MICAL3: variants seen among roughly 807,000 people sequenced by gnomAD.
MICAL3 encodes microtubule associated monooxygenase, calponin and LIM domain containing 3.
In MICAL3, 62 loss-of-function variants were observed where a neutral mutation model predicts 207.4. The observed-to-expected ratio is 0.30, with a 90% CI of 0.24 to 0.37. The LOEUF (loss-of-function observed/expected upper bound fraction) is 0.37, where lower values mean the gene tolerates loss of function less well. MICAL3 is among the 10% of genes least tolerant of loss of function. MICAL3 has a pLI of 1.00. For missense variants in MICAL3, 2,368 were observed against 2,635.6 expected (o/e 0.90, Z 2.22); for synonymous variants, 1,077 against 1,069.3 (o/e 1.01, Z -0.14).
intron 27 of MICAL3, among the ~76,000 whole-genome samples, chr22:17,815,877 G>A (rs578075056): frequency 6.6e-6 from 1 of 152,348 alleles, no homozygotes; most frequent in African/African-American, 2.4e-5. Flanking sequence ...CTGGGCTATT[G>A]GACGGCAGGA....
intron 19 of MICAL3, chr22:17,842,612 G>C (rs2895998): frequency 0.12 from 18,951 of 157,588 alleles, 1,749 homozygotes; most frequent in African/African-American, 0.26. Flanking sequence ...CCGCAGCACC[G>C]CTGCTCAGAG....
At chr22:17,820,970 A>C (rs1921563936) in intron 25 of MICAL3, among the ~76,000 whole-genome samples, 1 of 141,328 alleles carries the variant, frequency 7.1e-6, no homozygotes, top group Non-Finnish European at 1.5e-5. Context: ...TAATAAATTT[A>C]TATTTATAAA....
chr22:17,881,127 C>T (rs1929381058), intron 16 of MICAL3: 2 of 1,180,280 alleles, frequency 1.7e-6, no homozygotes, highest in South Asian at 2.6e-5. Flanking sequence ...GGGAAAGTGA[C>T]TTGGTCTCTA....
chr22:17,825,559 G>A (rs1406260105), intron 22 of MICAL3, among the ~76,000 whole-genome samples: 2 of 152,188 alleles, frequency 1.3e-5, no homozygotes, highest in Non-Finnish European at 2.9e-5. Flanking sequence ...CCCTGCGGCT[G>A]TGTGTGCCTG....
At chr22:17,862,754 G>C (rs1926657539) in intron 19 of MICAL3, 1 of 985,376 alleles carries the variant, frequency 1.0e-6, no homozygotes, top group Non-Finnish European at 1.2e-6. Context: ...GGGAGGCAAG[G>C]TGCCCTGATT....
intron 27 of MICAL3, chr22:17,815,643 C>T (rs771483070): frequency 6.6e-6 from 1 of 152,442 alleles, no homozygotes; most frequent in African/African-American, 2.4e-5. Context: ...GGAAGCCTGG[C>T]TCTGTAGAGG....
At chr22:17,803,975 A>T (rs537267126) in intron 29 of MICAL3, 2 of 382,914 alleles carry the variant, frequency 5.2e-6, no homozygotes, top group East Asian at 3.2e-4. Context: ...CGCAAGAAAC[A>T]CAGACACAGC....
chr22:17,980,105 AG>A (rs35209994), intron 1 of MICAL3, among the ~76,000 whole-genome samples: 25,821 of 152,270 alleles, frequency 0.17, 2,567 homozygotes, highest in Middle Eastern at 0.26. Context: ...CTAGGATTAC[AG>A]GGGTGAACCA....
intron 1 of MICAL3, among the ~76,000 whole-genome samples, chr22:17,913,398 C>A (rs1932260586): frequency 6.6e-6 from 1 of 152,152 alleles, no homozygotes; most frequent in Admixed American, 6.5e-5. Flanking sequence ...AAAGCACTAG[C>A]CTGGCCTGCG....
intron 1 of MICAL3, chr22:18,020,168 G>A: frequency 6.5e-6 from 1 of 152,800 alleles, no homozygotes. Flanking sequence ...TGACAGGGCA[G>A]CTTCCCAATG....
intron 1 of MICAL3, among the ~76,000 whole-genome samples, chr22:17,977,028 G>A (rs894716350): frequency 6.6e-6 from 1 of 151,878 alleles, no homozygotes; most frequent in Non-Finnish European, 1.5e-5. Flanking sequence ...GGATGATCTC[G>A]ATCTGACCTT....
At chr22:17,869,053 G>T (rs1927454763) in intron 17 of MICAL3, among the ~76,000 whole-genome samples, 1 of 152,200 alleles carries the variant, frequency 6.6e-6, no homozygotes, top group Non-Finnish European at 1.5e-5. Flanking sequence ...AGACCAGGGG[G>T]TGTGCTCCAG....
intron 1 of MICAL3, chr22:18,019,316 G>C (rs569602488): frequency 6.4e-6 from 1 of 156,638 alleles, no homozygotes; most frequent in South Asian, 2.1e-4. Context: ...AGTGATTACA[G>C]TTATCCATGG....
intron 1 of MICAL3, among the ~76,000 whole-genome samples, chr22:17,940,092 G>C (rs1383877569): frequency 6.6e-6 from 1 of 152,188 alleles, no homozygotes; most frequent in Non-Finnish European, 1.5e-5. Flanking sequence ...CTGAAGTTAA[G>C]GACAAAAGCT....
rs182268031 is a variant in MICAL3, at chr22:17,908,501, G to A, written c.-74-1615C>T. On this transcript the variant is annotated intron_variant, in intron 1 of 31. Coordinates refer to ENST00000441493, the MANE Select transcript of MICAL3 (RefSeq NM_015241.3). ...TTTTTGTATTTTTAGTAGAGACGGGGTTTCATCGTGTTAGCCAGGATGGTC... is the reference window on the plus strand; with the variant it reads ...TTTTTGTATTTTTAGTAGAGACGGGATTTCATCGTGTTAGCCAGGATGGTC... Among the ~76,000 whole-genome samples the A allele has an allele frequency of 4.0e-3, 605 of 152,188 alleles. 3 individuals carry two copies. Among genetic ancestry groups the A allele is most frequent in the Admixed American group, 5.9e-3 (90 of 15,288 alleles).
intron 12 of MICAL3, among the ~76,000 whole-genome samples, chr22:17,889,600 G>A (rs1384949075): frequency 1.3e-5 from 2 of 152,196 alleles, no homozygotes; most frequent in African/African-American, 4.8e-5. Context: ...GGTGAGGCAG[G>A]AGAATTGCTT....
chr22:17,829,370 T>C (rs1922549679), intron 21 of MICAL3, among the ~76,000 whole-genome samples: 1 of 152,138 alleles, frequency 6.6e-6, no homozygotes, highest in Non-Finnish European at 1.5e-5. Context: ...GGTTTCTCCA[T>C]GTTGGTCAGA....
chr22:17,795,530 A>G (rs1241140693), intron 29 of MICAL3, among the ~76,000 whole-genome samples: 6 of 152,264 alleles, frequency 3.9e-5, no homozygotes, highest in Non-Finnish European at 5.9e-5. Flanking sequence ...AGCTGTTTTT[A>G]TGTAGGCCAC....
At chr22:17,886,437 T>G (rs56192264) in intron 15 of MICAL3, among the ~76,000 whole-genome samples, 4,705 of 152,200 alleles carry the variant, frequency 0.031, 247 homozygotes, top group African/African-American at 0.11. Context: ...GAGGCCAAGA[T>G]GGGTGGATCA....
Sources: gnomAD v4.1 joint callset for allele counts (sites outside exome capture counted in the v4.1 genomes callset) on GRCh38, gnomAD v4.1.1 for gene constraint, MANE v1.5 for transcripts, NCBI Gene and HGNC (gene_info 2026-07-23, HGNC 2026-07-21) for gene names.